Variants in SLC24A3 observed in about 807,000 individuals in gnomAD.
SLC24A3 encodes sodium/potassium/calcium exchanger 3.
A neutral mutation model predicts 75.8 loss-of-function variants in SLC24A3; 28 were observed. The ratio of observed to expected loss-of-function variants is 0.37; its 90% CI spans 0.27 to 0.51. The LOEUF (loss-of-function observed/expected upper bound fraction) is 0.51. Among genes scored for constraint, SLC24A3 ranks in the 20% least tolerant of loss-of-function variants. The pLI is 0.94. For synonymous variants in SLC24A3, 372 were observed against 334.1 expected, an observed-to-expected ratio of 1.11 and a Z score of -1.24; for missense variants, 663 against 847.8, an observed-to-expected ratio of 0.78 and a Z score of 2.71.
chr20:19,432,703 T>C (rs889692165), intron 2 of SLC24A3, among the ~76,000 whole-genome samples: 2 of 152,208 alleles, frequency 1.3e-5, no homozygotes, highest in Admixed American at 1.3e-4. Flanking sequence ...CCTCAGCTAA[T>C]AAGGGGAATG....
intron 2 of SLC24A3, among the ~76,000 whole-genome samples, chr20:19,426,940 AT>A (rs2122445815): frequency 6.6e-6 from 1 of 152,312 alleles, no homozygotes; most frequent in South Asian, 2.1e-4. Flanking sequence ...GAACAAAGGA[AT>A]AAAAAGATTC....
intron 3 of SLC24A3, among the ~76,000 whole-genome samples, chr20:19,556,531 G>A (rs1222552687): frequency 7.0e-6 from 1 of 143,386 alleles, no homozygotes; most frequent in East Asian, 2.1e-4. Context: ...AAAAGATGTT[G>A]TTTTTAGCTA....
intron 3 of SLC24A3, among the ~76,000 whole-genome samples, chr20:19,525,983 G>A (rs2030191997): frequency 6.6e-6 from 1 of 152,168 alleles, no homozygotes; most frequent in African/African-American, 2.4e-5. Flanking sequence ...CGAACTCGGA[G>A]GTAGGGGAGT....
At chr20:19,609,945 A>G (rs1442240911) in intron 6 of SLC24A3, among the ~76,000 whole-genome samples, 3 of 124,022 alleles carry the variant, frequency 2.4e-5, no homozygotes, top group Admixed American at 1.9e-4. Flanking sequence ...CATTCATCTT[A>G]GGTTTAACCA....
chr20:19,247,856 T>G (rs1408794708), intron 1 of SLC24A3, among the ~76,000 whole-genome samples: 1 of 152,236 alleles, frequency 6.6e-6, no homozygotes, highest in Admixed American at 6.5e-5. Context: ...TTATATCTAC[T>G]TGATGACACT....
intron 2 of SLC24A3, among the ~76,000 whole-genome samples, chr20:19,369,003 A>T (rs1009553940): frequency 1.3e-5 from 2 of 152,260 alleles, no homozygotes; most frequent in Non-Finnish European, 2.9e-5. Flanking sequence ...AGCAGAAGAC[A>T]TGATGGAATT....
chr20:19,721,154 C>A lies in SLC24A3; in HGVS notation c.*14C>A, dbSNP rs532391903. 18 of 1,613,632 alleles carry A rather than the reference C, an allele frequency of 1.1e-5. No individual in the cohort carries two copies. In the East Asian group the frequency reaches 4.0e-4, roughly 36 times the overall value. On this transcript the variant is annotated 3_prime_UTR_variant, in exon 17 of 17. Transcript: ENST00000328041. ...GGGGACCACTGAGCCGCCGGGTGCC[C>A]ACAGAGGCTCAGCTCCTTCTTTTCT... is the stretch of plus-strand genomic sequence containing the variant.
chr20:19,685,452 T>C (rs1480707284), intron 12 of SLC24A3, 91 bp downstream of exon 12: 1 of 1,533,798 alleles, frequency 6.5e-7, no homozygotes, highest in South Asian at 1.3e-5. Context: ...TACCATTCAA[T>C]TTTTTAAAAT....
At chr20:19,416,075 C>T (rs1986823073) in intron 2 of SLC24A3, among the ~76,000 whole-genome samples, 1 of 152,112 alleles carries the variant, frequency 6.6e-6, no homozygotes, top group Non-Finnish European at 1.5e-5. Flanking sequence ...TGTAAATAAA[C>T]CCAGTAATGA....
chr20:19,233,410 C>A (rs1982080330), intron 1 of SLC24A3, among the ~76,000 whole-genome samples: 1 of 152,178 alleles, frequency 6.6e-6, no homozygotes, highest in Non-Finnish European at 1.5e-5. Flanking sequence ...GAAGGGATAC[C>A]CCTGCAGGCT....
rs1275815070 is a variant in SLC24A3, at chr20:19,654,131, A to ATCGTGGTGAGTCACTCTGGCCATTT, written c.683_687+20dup. 6.2e-7 allele frequency: 1 copy of ATCGTGGTGAGTCACTCTGGCCATTT among 1,613,552 alleles called. No individual in the cohort carries two copies. The highest frequency in any genetic ancestry group is 1.7e-5 in the Admixed American group (1 of 59,996). On this transcript the variant is annotated frameshift_variant, in exon 7 of 17. Coordinates refer to ENST00000328041, the MANE Select transcript of SLC24A3 (RefSeq NM_020689.4). LOFTEE classifies it high-confidence loss of function. ...CTACACGCTGTCTGTGATCGCGCTC[A>ATCGTGGTGAGTCACTCTGGCCATTT]TCGTGGTGAGTCACTCTGGCCATTT...
At chr20:19,546,157 T>TTAAAAAAAAA (rs2030587273) in intron 3 of SLC24A3, among the ~76,000 whole-genome samples, 1 of 10,436 alleles carries the variant, frequency 9.6e-5, no homozygotes, top group Non-Finnish European at 1.7e-4. Flanking sequence ...AGACTCCGTC[T>TTAAAAAAAAA]CAAAAAAAAA....
chr20:19,674,042 C>G (rs1568693112), intron 9 of SLC24A3, among the ~76,000 whole-genome samples: 1 of 152,166 alleles, frequency 6.6e-6, no homozygotes, highest in Non-Finnish European at 1.5e-5. Context: ...ATATGGCAGC[C>G]AACATGAGCC....
chr20:19,722,496 A>G lies in SLC24A3; in HGVS notation c.*1356A>G, dbSNP rs139147572. 5 of 152,792 alleles carry G rather than the reference A, an allele frequency of 3.3e-5. No homozygotes were observed. Among genetic ancestry groups the G allele is most frequent in the African/African-American group, 1.2e-4 (5 of 41,588 alleles). 9.5% of individuals were successfully genotyped at this position (152,792 alleles called of 1,614,324 possible). On this transcript the variant is annotated 3_prime_UTR_variant, in exon 17 of 17. Coordinates refer to ENST00000328041, the MANE Select transcript of SLC24A3 (RefSeq NM_020689.4). ...CAACAGCCCTGCTAGATTTTGTATG[A>G]TGCTGAATTATTATGCAGACTAATT... is the stretch of plus-strand genomic sequence containing the variant.
chr20:19,507,908 C>T (rs1035655883), intron 2 of SLC24A3, among the ~76,000 whole-genome samples: 1 of 152,198 alleles, frequency 6.6e-6, no homozygotes, highest in African/African-American at 2.4e-5. Context: ...TGTCCTCTTT[C>T]ATGTATCCCA....
chr20:19,567,586 T>G (rs190237946), intron 3 of SLC24A3, among the ~76,000 whole-genome samples: 66 of 152,314 alleles, frequency 4.3e-4, no homozygotes, highest in African/African-American at 1.6e-3. Flanking sequence ...CTAAATGGTC[T>G]GTACACCAAA....
chr20:19,293,174 C>T (rs6045967), intron 2 of SLC24A3, among the ~76,000 whole-genome samples: 9,067 of 152,140 alleles, frequency 0.06, 600 homozygotes, highest in African/African-American at 0.17. Flanking sequence ...TTCCCCACTG[C>T]CTGCTCCATT....
At chr20:19,696,937 AGGAG>A (rs762965517) in intron 14 of SLC24A3, 26 bp downstream of exon 14, 784 of 739,200 alleles carry the variant, frequency 1.1e-3, no homozygotes, top group Non-Finnish European at 1.2e-3. Flanking sequence ...GCAATGGGGA[AGGAG>A]GGAGGGAGGG....
chr20:19,388,515 T>G (rs1287873390), intron 2 of SLC24A3, among the ~76,000 whole-genome samples: 1 of 152,082 alleles, frequency 6.6e-6, no homozygotes, highest in Non-Finnish European at 1.5e-5. Flanking sequence ...ATGAAGACCA[T>G]CCTGGCTAAC....
Sources: gnomAD v4.1 joint callset for allele counts (sites outside exome capture counted in the v4.1 genomes callset) on GRCh38, gnomAD v4.1.1 for gene constraint, MANE v1.5 for transcripts, NCBI Gene and HGNC (gene_info 2026-07-23, HGNC 2026-07-21) for gene names.